Variants in CREB5 observed in about 807,000 individuals in gnomAD.
CREB5 encodes cAMP responsive element binding protein 5.
Under a neutral mutation model 57.1 loss-of-function variants are expected in CREB5, and 19 were observed. That is an observed-to-expected ratio of 0.33 (90% confidence interval 0.23 to 0.49). The LOEUF (loss-of-function observed/expected upper bound fraction) is 0.49, where lower values mean the gene tolerates loss of function less well. Among genes scored for constraint, CREB5 ranks in the 20% least tolerant of loss-of-function variants. CREB5 has a pLI of 0.99. For synonymous variants in CREB5, 238 were observed against 238.3 expected, an observed-to-expected ratio of 1.00 and a Z score of 0.01; for missense variants, 579 against 671.6, an observed-to-expected ratio of 0.86 and a Z score of 1.52.
At chr7:28,496,856 C>T (rs1792080198) in intron 3 of CREB5, among the ~76,000 whole-genome samples, 1 of 151,732 alleles carries the variant, frequency 6.6e-6, no homozygotes, top group Admixed American at 6.6e-5. Flanking sequence ...TTTAAGTCTA[C>T]AAACAGAGAT....
intron 1 of CREB5, among the ~76,000 whole-genome samples, chr7:28,392,637 A>C (rs577708795): frequency 6.6e-6 from 1 of 152,308 alleles, no homozygotes; most frequent in East Asian, 1.9e-4. Context: ...TGATAGATCA[A>C]TATTTCCACT....
Position 28,825,163 on chromosome 7 carries a change from C to T in CREB5, c.*5884C>T, listed in dbSNP as rs897089550. ...TTTCTCCTTTAGAATACCAATGCCA[C>T]AGACACTACAGGAGATAATGAAAGG... On this transcript the variant is annotated 3_prime_UTR_variant, in exon 11 of 11. Coordinates refer to ENST00000357727, the MANE Select transcript of CREB5 (RefSeq NM_182898.4). 5 of 152,630 alleles carry T rather than the reference C, an allele frequency of 3.3e-5. No individual in the cohort carries two copies. Among genetic ancestry groups the T allele is most frequent in the African/African-American group, 1.2e-4 (5 of 41,446 alleles). The allele number at this position is 152,630 out of a possible 1,614,324, so 9.5% of individuals were successfully genotyped here.
At chr7:28,728,282 G>A (rs566121399) in intron 7 of CREB5, among the ~76,000 whole-genome samples, 2 of 152,208 alleles carry the variant, frequency 1.3e-5, no homozygotes, top group Non-Finnish European at 2.9e-5. Context: ...GGCTACAAAC[G>A]GTTAATAAAA....
At chr7:28,569,494 C>A (rs1188029078) in intron 4 of CREB5, among the ~76,000 whole-genome samples, 7 of 152,136 alleles carry the variant, frequency 4.6e-5, no homozygotes, top group Non-Finnish European at 4.4e-5. Context: ...AACATATAAG[C>A]CTTCATTTGA....
chr7:28,635,329 TC>T (rs1415152060), intron 5 of CREB5, among the ~76,000 whole-genome samples: 1 of 152,212 alleles, frequency 6.6e-6, no homozygotes, highest in African/African-American at 2.4e-5. Flanking sequence ...TATCTTACCC[TC>T]ATTTATTCCA....
intron 3 of CREB5, among the ~76,000 whole-genome samples, chr7:28,507,067 C>T (rs1186478228): frequency 6.6e-6 from 1 of 152,124 alleles, no homozygotes; most frequent in African/African-American, 2.4e-5. Flanking sequence ...TTTTATCATC[C>T]TTCTATGATT....
intron 2 of CREB5, among the ~76,000 whole-genome samples, chr7:28,491,910 T>G (rs1026883118): frequency 6.6e-6 from 1 of 152,176 alleles, no homozygotes; most frequent in Admixed American, 6.5e-5. Flanking sequence ...GGTGAAGAAA[T>G]GATTTTTTTC....
chr7:28,493,310 G>A (rs548908242), intron 2 of CREB5, among the ~76,000 whole-genome samples: 8 of 152,288 alleles, frequency 5.3e-5, no homozygotes, highest in South Asian at 2.1e-4. Flanking sequence ...TTGATAAAGC[G>A]GATATTCTGT....
intron 1 of CREB5, among the ~76,000 whole-genome samples, chr7:28,348,404 TCTCTCACA>T (rs1207724401): frequency 1.9e-4 from 6 of 30,770 alleles, no homozygotes; most frequent in Non-Finnish European, 3.2e-4. Context: ...TCTGTCTCTC[TCTCTCACA>T]CACACACACA....
At chr7:28,590,685 ATAAT>A (rs1420466712) in intron 5 of CREB5, among the ~76,000 whole-genome samples, 2 of 131,682 alleles carry the variant, frequency 1.5e-5, no homozygotes, top group Non-Finnish European at 3.1e-5. Flanking sequence ...AATAATAATA[ATAAT>A]AATAATAATA....
intron 4 of CREB5, among the ~76,000 whole-genome samples, chr7:28,535,179 C>T (rs12700891): frequency 0.35 from 48,701 of 140,464 alleles, 13,592 homozygotes; most frequent in East Asian, 0.57. Context: ...AAGGCTAGGT[C>T]GGGCCCAATT....
chr7:28,303,730 A>T (rs1785140208), intron 1 of CREB5, among the ~76,000 whole-genome samples: 2 of 152,214 alleles, frequency 1.3e-5, no homozygotes, highest in African/African-American at 4.8e-5. Flanking sequence ...TTATGGATAC[A>T]ATCCAAAATA....
intron 4 of CREB5, among the ~76,000 whole-genome samples, chr7:28,514,778 T>C (rs2128611239): frequency 6.6e-6 from 1 of 152,356 alleles, no homozygotes; most frequent in Non-Finnish European, 1.5e-5. Flanking sequence ...TCTTGAGAAC[T>C]GGCCCAAGGT....
rs547841259 is a variant in CREB5 at position 28,306,402 on chromosome 7, C to T, written c.-25+6961C>T. 9.2e-5 allele frequency among the ~76,000 whole-genome samples: 14 copies of T among 152,220 alleles called. No individual in the cohort carries two copies. In the South Asian group the frequency reaches 2.9e-3, roughly 32 times the overall value. The stretch of plus-strand genomic sequence containing the variant: ...TTTTTTATTCCACCACTCCAGCTTC[C>T]CTCTGAAACTATAGCCCATTCCTAA... On this transcript the variant is annotated intron_variant, in intron 1 of 9. Coordinates refer to the CREB5 transcript ENST00000396299.
chr7:28,681,169 T>C (rs1210492502), intron 5 of CREB5, among the ~76,000 whole-genome samples: 1 of 152,074 alleles, frequency 6.6e-6, no homozygotes, highest in African/African-American at 2.4e-5. Flanking sequence ...GGCTGACTAG[T>C]AGATTTCCTA....
intron 4 of CREB5, among the ~76,000 whole-genome samples, chr7:28,511,959 T>A (rs1218972397): frequency 6.6e-6 from 1 of 152,142 alleles, no homozygotes; most frequent in Non-Finnish European, 1.5e-5. Context: ...AAGGTGGAGA[T>A]GGAGGCAGTG....
chr7:28,568,406 G>T (rs1795564349), intron 4 of CREB5, among the ~76,000 whole-genome samples: 2 of 152,082 alleles, frequency 1.3e-5, no homozygotes, highest in African/African-American at 4.8e-5. Flanking sequence ...TGGACTAAAT[G>T]GTACCTATAG....
At chr7:28,708,429 G>C (rs1243176910) in intron 5 of CREB5, among the ~76,000 whole-genome samples, 1 of 152,130 alleles carries the variant, frequency 6.6e-6, no homozygotes, top group Non-Finnish European at 1.5e-5. Context: ...GCTGGGTGGA[G>C]GGTGTCATAA....
chr7:28,650,524 T>C (rs1415099517), intron 5 of CREB5, among the ~76,000 whole-genome samples: 2 of 152,096 alleles, frequency 1.3e-5, no homozygotes, highest in Non-Finnish European at 2.9e-5. Context: ...ATCCAGATAG[T>C]CTAAAATCCT....
Sources: gnomAD v4.1 joint callset for allele counts (sites outside exome capture counted in the v4.1 genomes callset) on GRCh38, gnomAD v4.1.1 for gene constraint, MANE v1.5 for transcripts, NCBI Gene and HGNC (gene_info 2026-07-23, HGNC 2026-07-21) for gene names.